Variants in SPATC1 observed in about 807,000 individuals in gnomAD.
SPATC1 encodes the protein speriolin.
A neutral mutation model predicts 36.5 loss-of-function variants in SPATC1; 35 were observed. That is an observed-to-expected ratio of 0.96 (90% CI 0.73 to 1.27). SPATC1 has a LOEUF of 1.27. Ranked by LOEUF, SPATC1 falls within the 50% of genes most tolerant of loss-of-function variation. SPATC1 has a pLI of 0.00. For synonymous variants in SPATC1, 361 were observed against 353.6 expected, an observed-to-expected ratio of 1.02 and a Z score of -0.24; for missense variants, 779 against 796.0, an observed-to-expected ratio of 0.98 and a Z score of 0.26.
At chr8:144,029,012 T>C (rs1834740508) in intron 1 of SPATC1, among the ~76,000 whole-genome samples, 2 of 151,672 alleles carry the variant, frequency 1.3e-5, no homozygotes, top group Non-Finnish European at 2.9e-5. Flanking sequence ...TGAGAACACA[T>C]GGACACAGGG....
At chr8:144,019,879 C>T (rs912255061) in intron 1 of SPATC1, among the ~76,000 whole-genome samples, 6 of 151,994 alleles carry the variant, frequency 3.9e-5, no homozygotes, top group Non-Finnish European at 7.4e-5. Flanking sequence ...GGATCCTCTC[C>T]CCTCAGGGCC....
At chr8:144,019,265 A>ATTG (rs1263963132) in intron 1 of SPATC1, among the ~76,000 whole-genome samples, 3 of 152,196 alleles carry the variant, frequency 2.0e-5, no homozygotes, top group Non-Finnish European at 4.4e-5. Context: ...GCTCAGGCAC[A>ATTG]TCAAAGCTGC....
chr8:144,022,617 C>T, intron 1 of SPATC1, among the ~76,000 whole-genome samples: 1 of 144,502 alleles, frequency 6.9e-6, no homozygotes. Flanking sequence ...AGGAGCCTTT[C>T]CCCTCAAGAC....
intron 4 of SPATC1, chr8:144,042,103 C>A (rs1251399967): frequency 1.4e-5 from 10 of 710,900 alleles, no homozygotes; most frequent in Non-Finnish European, 1.7e-5. Context: ...AGTGTATGTA[C>A]CCAGCTCACT....
At chr8:144,028,482 G>A (rs1171685393) in intron 1 of SPATC1, among the ~76,000 whole-genome samples, 2 of 152,146 alleles carry the variant, frequency 1.3e-5, no homozygotes, top group African/African-American at 4.8e-5. Context: ...TTAGAGAAAT[G>A]CAAATCAAAA....
chr8:144,012,739 G>C lies in SPATC1; in HGVS notation c.211+13G>C. 2.6e-6 allele frequency: 4 copies of C among 1,551,190 alleles called. No individual in the cohort carries two copies. Among genetic ancestry groups the C allele is most frequent in the Non-Finnish European group, 3.5e-6 (4 of 1,146,548 alleles). On this transcript the variant is annotated intron_variant, in intron 1 of 4. Transcript: ENST00000377470. ...CGCCAGAACAATGGTAAGAGGCCTC[G>C]CTCCCAAGAGAGTGAGGAGGGAAGT...
rs1272228210 is a variant in SPATC1 at position 144,039,857 on chromosome 8, C to T, written c.212-52C>T. On this transcript the variant is annotated intron_variant, in intron 1 of 4. Transcript: ENST00000377470. ...TGACAGAGCCTGTGACCACCCTCGC[C>T]GTGGTCTGGAGGGGCTCCCCTGGGG... The T allele has an allele frequency of 4.5e-6, 7 of 1,558,972 alleles. No homozygotes were observed. In the Admixed American group the frequency reaches 7.0e-5, roughly 16 times the overall value.
chr8:144,027,129 G>A (rs1834700000), intron 1 of SPATC1, among the ~76,000 whole-genome samples: 1 of 151,516 alleles, frequency 6.6e-6, no homozygotes. Context: ...ACCACACCCA[G>A]CTTATTTCTT....
chr8:144,040,569 C>A lies in SPATC1; in HGVS notation c.768C>A (p.Val256=). 1 of 1,587,914 alleles carries A rather than the reference C, an allele frequency of 6.3e-7. No individual in the cohort carries two copies. The highest frequency in any genetic ancestry group is 1.1e-5 in the South Asian group (1 of 87,002). The change falls in exon 3 of 5, where the codon GTC becomes GTA. Residue 256 remains valine, a splice_region_variant and synonymous_variant. Transcript: ENST00000377470. ...ACVVPTATTK[V]PLSTEPPQST... is the part of the protein sequence containing the mutation. ...TTTCTGTTCCCTCCACATCACTAGT[C>A]CCACTCTCCACTGAGCCCCCCCAGT...
At chr8:144,015,220 G>A (rs1465516555) in intron 1 of SPATC1, among the ~76,000 whole-genome samples, 3 of 136,368 alleles carry the variant, frequency 2.2e-5, no homozygotes, top group African/African-American at 9.3e-5. Context: ...TTTTTTTTTT[G>A]GTGTATTTTT....
rs139065929 is a variant in SPATC1 at position 144,046,981 on chromosome 8, C to T, written c.*25C>T. 5.7e-6 allele frequency: 9 copies of T among 1,583,078 alleles called. No individual in the cohort carries two copies. Among genetic ancestry groups the T allele is most frequent in the Admixed American group, 5.0e-5 (3 of 59,408 alleles). ...ACGCTGGAGCTGGGAGGTCCAGGCT[C>T]GCTCAGCCCCACAGCCCTGTGCACG... On this transcript the variant is annotated 3_prime_UTR_variant, in exon 5 of 5. Transcript: ENST00000377470. The surrounding 1 kb of genome is among the most constrained non-coding windows in gnomAD (Gnocchi z 6.6).
chr8:144,023,002 C>T (rs1427313723), intron 1 of SPATC1, among the ~76,000 whole-genome samples: 1 of 141,456 alleles, frequency 7.1e-6, no homozygotes, highest in Non-Finnish European at 1.6e-5. Context: ...TGAAAACCCT[C>T]TTCCCTCAAG....
Position 144,040,311 on chromosome 8 carries a change from C to A in SPATC1, c.614C>A (p.Thr205Asn), listed in dbSNP as rs958908243. Residue 205 changes from threonine to asparagine, a missense_variant, in exon 2 of 5, where the codon ACC becomes AAC. Coordinates refer to ENST00000377470, the MANE Select transcript of SPATC1 (RefSeq NM_198572.3). Reference protein sequence around the residue: ...LSSPLLSSTATPPGVSQNLLA... With the variant: ...LSSPLLSSTANPPGVSQNLLA... ...AGCCCCCTCCTCAGCTCCACTGCCA[C>A]CCCACCAGGGGTCTCTCAGAACCTG... 1 of 1,612,644 alleles carries A rather than the reference C, an allele frequency of 6.2e-7. No individual in the cohort carries two copies. The highest frequency in any genetic ancestry group is 1.7e-5 in the Admixed American group (1 of 60,004).
chr8:144,020,291 C>A, intron 1 of SPATC1, among the ~76,000 whole-genome samples: 1 of 151,266 alleles, frequency 6.6e-6, no homozygotes, highest in African/African-American at 2.4e-5. Flanking sequence ...CCTCAGGACC[C>A]TCTTCCCTTG....
Position 144,046,192 on chromosome 8 carries a change from G to A in SPATC1, c.1447-435G>A, listed in dbSNP as rs550555656. Among the ~76,000 whole-genome samples the A allele has an allele frequency of 2.6e-5, 4 of 152,230 alleles. No homozygotes were observed. In the South Asian group the frequency reaches 8.3e-4, roughly 32 times the overall value. On this transcript the variant is annotated intron_variant, in intron 4 of 4. Transcript: ENST00000377470. The surrounding 1 kb of genome is among the most constrained non-coding windows in gnomAD (Gnocchi z 6.6). ...AGGGGGTGGCCTTCAGACGCTGAAA[G>A]GGAGCAGAGCACGGAGCCAGGAGGA...
rs1215971200 is a variant in SPATC1, at chr8:144,046,872, C to G, written c.1692C>G (p.Pro564=). The G allele has an allele frequency of 5.6e-6, 9 of 1,600,592 alleles. No homozygotes were observed. The highest frequency in any genetic ancestry group is 2.2e-5 in the East Asian group (1 of 44,878). Residue 564 remains proline (P), a synonymous_variant, in exon 5 of 5, where the codon CCC becomes CCG. Coordinates refer to ENST00000377470, the MANE Select transcript of SPATC1 (RefSeq NM_198572.3). This position sits in a 1 kb window ranked among gnomAD's most constrained non-coding sequence, Gnocchi z 6.6. ...LQRVVVETVH[P]GMLADALLLL... ...GTGTGGTGGTGGAGACCGTGCACCC[C>G]GGCATGCTCGCCGACGCGCTGCTGC... is the stretch of plus-strand genomic sequence containing the variant.
intron 1 of SPATC1, among the ~76,000 whole-genome samples, chr8:144,015,733 T>G (rs1286582507): frequency 1.9e-5 from 2 of 107,074 alleles, no homozygotes; most frequent in Non-Finnish European, 3.7e-5. Flanking sequence ...TGAGTGAGAC[T>G]CTGTCTCAAA....
At chr8:144,031,417 A>C (rs1257437180) in intron 1 of SPATC1, among the ~76,000 whole-genome samples, 1 of 147,002 alleles carries the variant, frequency 6.8e-6, no homozygotes, top group Non-Finnish European at 1.5e-5. Flanking sequence ...ATGATGAGTC[A>C]CTTCTCTCTT....
At chr8:144,042,042 G>C (rs1000816820) in intron 4 of SPATC1, 18 of 980,122 alleles carry the variant, frequency 1.8e-5, no homozygotes, top group South Asian at 4.7e-5. Flanking sequence ...TTACACTCCA[G>C]CCTGGGCAAC....
Sources: gnomAD v4.1 joint callset for allele counts (sites outside exome capture counted in the v4.1 genomes callset) on GRCh38, gnomAD v4.1.1 for gene constraint, Gnocchi (gnomAD v3.1) non-coding constraint, MANE v1.5 for transcripts, NCBI Gene and HGNC (gene_info 2026-07-23, HGNC 2026-07-21) for gene names.